The following EVC variants were observed in gnomAD, a reference collection of about 807,000 sequenced individuals.
EVC encodes EvC ciliary complex subunit 1.
Under a neutral mutation model 118.9 loss-of-function variants are expected in EVC, and 116 were observed. The observed-to-expected ratio is 0.98, with a 90% CI of 0.84 to 1.14. The LOEUF is 1.14. Among genes scored for constraint, EVC ranks in the 50% most tolerant of loss-of-function variants. EVC has a pLI of 0.00. For missense variants in EVC, 1,401 were observed against 1,246.4 expected (o/e 1.12, Z -1.87); for synonymous variants, 619 against 534.7 (o/e 1.16, Z -2.18).
intron 12 of EVC, among the ~76,000 whole-genome samples, chr4:5,790,472 CT>C (rs945236291): frequency 6.6e-6 from 1 of 152,140 alleles, no homozygotes; most frequent in Non-Finnish European, 1.5e-5. Flanking sequence ...GAGGTACAGC[CT>C]TTTACAAAGC....
In EVC at chr4:5,748,326, G is replaced by A; in HGVS notation, c.1098+20G>A. ...GCTCTGGTAATGCTGGAGGGGGCGG[G>A]AGGGAACATAAAGATATTCAGACTA... On this transcript the variant is annotated intron_variant, in intron 8 of 20. Coordinates refer to ENST00000264956, the MANE Select transcript of EVC (RefSeq NM_153717.3). 6.2e-7 allele frequency: 1 copy of A among 1,613,608 alleles called. No individual in the cohort carries two copies. Among genetic ancestry groups the A allele is most frequent in the South Asian group, 1.1e-5 (1 of 91,010 alleles).
intron 11 of EVC, among the ~76,000 whole-genome samples, chr4:5,776,660 C>T (rs915863641): frequency 6.6e-6 from 1 of 152,114 alleles, no homozygotes; most frequent in Non-Finnish European, 1.5e-5. Flanking sequence ...ATTGTATGTG[C>T]TCTGTCATTA....
In EVC at chr4:5,797,178, G is replaced by C. The variant is rs1714123580; in HGVS notation, c.2043G>C (p.Glu681Asp). 3.7e-6 allele frequency: 6 copies of C among 1,613,394 alleles called. No individual in the cohort carries two copies. The highest frequency in any genetic ancestry group is 4.2e-6 in the Non-Finnish European group (5 of 1,180,000). Residue 681 changes from glutamate (E) to aspartate (D), a missense_variant, in exon 14 of 21, where the codon GAG becomes GAC. By Grantham distance (45) the Glu-to-Asp change is conservative. Transcript: ENST00000264956. ...LQELREQRAL[E>D]QGSSQCLDEH... is the part of the protein sequence containing the mutation. Reference sequence around the variant, plus strand: ...AGCTGCGGGAACAGCGTGCACTGGAGCAGGGGTCCTCCCAGTGCCTGGACG... The same window carrying C: ...AGCTGCGGGAACAGCGTGCACTGGACCAGGGGTCCTCCCAGTGCCTGGACG...
chr4:5,825,741 CGA>C, the EVC span: 4 of 1,463,866 alleles, frequency 2.7e-6, no homozygotes, highest in Admixed American at 4.6e-5. This position sits in a 1 kb window ranked among gnomAD's most constrained non-coding sequence, Gnocchi z 4.4. Context: ...GCCCTGCGGG[CGA>C]GAGAGAAACC....
At chr4:5,771,185 ATC>A (rs1733894064) in intron 11 of EVC, among the ~76,000 whole-genome samples, 1 of 152,086 alleles carries the variant, frequency 6.6e-6, no homozygotes, top group Admixed American at 6.5e-5. Flanking sequence ...TCTGATGTGG[ATC>A]TCTCTGGGTT....
Position 5,756,338 on chromosome 4 carries a change from C to G in EVC, c.1539C>G (p.Thr513=). Residue 513 remains threonine, a synonymous_variant, in exon 11 of 21, where the codon ACC becomes ACG. Transcript: ENST00000264956. This position sits in a 1 kb window ranked among gnomAD's most constrained non-coding sequence, Gnocchi z 4.2. ...AGGAAGAGGAGAATGTCAGAGCCAC[C>G]GAGGCTGTGGTTGCACTCTGCCAGG... The part of the protein sequence containing the change: ...DLEEEENVRA[T]EAVVALCQEL... 1 of 1,611,360 alleles carries G rather than the reference C, an allele frequency of 6.2e-7. No individual in the cohort carries two copies. The highest frequency in any genetic ancestry group is 1.7e-4 in the Middle Eastern group (1 of 6,060).
At chr4:5,788,616 C>T (rs896522744) in intron 12 of EVC, among the ~76,000 whole-genome samples, 1 of 152,216 alleles carries the variant, frequency 6.6e-6, no homozygotes, top group African/African-American at 2.4e-5. Flanking sequence ...ATCCTCGACT[C>T]CTCTTTCTTT....
At chr4:5,802,165 G>A (rs574236785) in intron 16 of EVC, 71 bp downstream of exon 16, 5 of 1,562,510 alleles carry the variant, frequency 3.2e-6, no homozygotes, top group South Asian at 2.2e-5. Flanking sequence ...GGGCAGAATA[G>A]GATGTCAGAT....
Position 5,804,815 on chromosome 4 carries a change from T to G in EVC, c.2535T>G (p.His845Gln), listed in dbSNP as rs773156946. Reference protein sequence around the residue: ...SSGSRTAGGAHETSQAVHQRM... With the variant: ...SSGSRTAGGAQETSQAVHQRM... ...GCAGCAGGACGGCAGGTGGCGCTCATGAGACCTCCCAGGCGGTCCACCAGA... is the reference window on the plus strand; with the variant it reads ...GCAGCAGGACGGCAGGTGGCGCTCAGGAGACCTCCCAGGCGGTCCACCAGA... Residue 845 changes from histidine (H) to glutamine (Q), a missense_variant, in exon 17 of 21, where the codon CAT (histidine) becomes CAG (glutamine). By Grantham distance (24) the His-to-Gln change is conservative. Coordinates refer to ENST00000264956, the MANE Select transcript of EVC (RefSeq NM_153717.3). The G allele has an allele frequency of 1.2e-6, 2 of 1,614,068 alleles. No homozygotes were observed. Among genetic ancestry groups the G allele is most frequent in the Middle Eastern group, 1.7e-4 (1 of 6,060 alleles).
intron 11 of EVC, among the ~76,000 whole-genome samples, chr4:5,771,937 G>A (rs568431777): frequency 1.5e-4 from 23 of 151,450 alleles, no homozygotes; most frequent in South Asian, 4.2e-4. Context: ...TCACTCTGTC[G>A]CCCAGGCTGG....
rs1553896649 is a variant in EVC at position 5,810,934 on chromosome 4, C to G, written c.2895-19C>G. The G allele has an allele frequency of 1.2e-6, 2 of 1,606,940 alleles. No homozygotes were observed. Among genetic ancestry groups the G allele is most frequent in the Non-Finnish European group, 8.5e-7 (1 of 1,176,310 alleles). The stretch of plus-strand genomic sequence containing the variant: ...TGGAGTCAGCGTTCTAACTGGCTGC[C>G]TTTCTTCTCTGTTTTAAGCAGCAAA... On this transcript the variant is annotated intron_variant, in intron 20 of 20. Coordinates refer to ENST00000264956, the MANE Select transcript of EVC (RefSeq NM_153717.3).
intron 8 of EVC, among the ~76,000 whole-genome samples, chr4:5,750,047 A>G (rs931071089): frequency 6.6e-6 from 1 of 152,064 alleles, no homozygotes; most frequent in East Asian, 1.9e-4. Context: ...ATATACACAC[A>G]TGGCCTTTTT....
At chr4:5,766,081 T>C (rs1381398025) in intron 11 of EVC, among the ~76,000 whole-genome samples, 1 of 136,870 alleles carries the variant, frequency 7.3e-6, no homozygotes, top group Non-Finnish European at 1.6e-5. Context: ...CTTCAGGAGC[T>C]CTTTTAGGGC....
chr4:5,770,397 G>A (rs1405751679), intron 11 of EVC, among the ~76,000 whole-genome samples: 1 of 152,120 alleles, frequency 6.6e-6, no homozygotes, highest in Non-Finnish European at 1.5e-5. Flanking sequence ...AACATTCCAG[G>A]GGCTGAGAGG....
intron 11 of EVC, among the ~76,000 whole-genome samples, chr4:5,758,890 T>C (rs1466287059): frequency 6.6e-6 from 1 of 152,198 alleles, no homozygotes; most frequent in Non-Finnish European, 1.5e-5. Flanking sequence ...CAGAGCAATT[T>C]ATTGCAAAGG....
intron 12 of EVC, among the ~76,000 whole-genome samples, chr4:5,787,626 T>C (rs1218694302): frequency 6.6e-6 from 1 of 152,210 alleles, no homozygotes; most frequent in Non-Finnish European, 1.5e-5. Flanking sequence ...AAGCGTAAGG[T>C]AATAAGTGTT....
chr4:5,724,686 T>G (rs2151885476), intron 2 of EVC, among the ~76,000 whole-genome samples: 2 of 132,358 alleles, frequency 1.5e-5, no homozygotes, highest in South Asian at 4.7e-4. Flanking sequence ...CGTACGTTGG[T>G]GGTTTTCCCT....
the EVC span, chr4:5,821,907 T>G: frequency 8.5e-5 from 114 of 1,343,448 alleles, no homozygotes; most frequent in Non-Finnish European, 1.1e-4. The surrounding 1 kb of genome is among the most constrained non-coding windows in gnomAD (Gnocchi z 4.4). Context: ...AGTTCCACGC[T>G]GCTCCTGGAG....
chr4:5,796,954 G>A, intron 13 of EVC, 68 bp from the exon 14 acceptor site: 2 of 1,200,544 alleles, frequency 1.7e-6, no homozygotes, highest in Admixed American at 3.4e-5. Flanking sequence ...GTGGCTGTTT[G>A]GGGAGCTTGT....
Sources: allele counts gnomAD v4.1 joint callset (sites outside exome capture counted in the v4.1 genomes callset), GRCh38; gene constraint gnomAD v4.1.1; non-coding constraint Gnocchi (gnomAD v3.1); transcripts MANE v1.5; gene names NCBI Gene and HGNC (gene_info 2026-07-23, HGNC 2026-07-21).